The following ITPR3 variants were observed in gnomAD, a reference collection of about 807,000 sequenced individuals.
ITPR3 encodes the protein inositol 1,4,5-trisphosphate-gated calcium channel ITPR3.
ITPR3 carries 173 observed loss-of-function variants against 293.2 expected under a neutral mutation model. The observed-to-expected ratio is 0.59, with a 90% CI of 0.52 to 0.67. The LOEUF (loss-of-function observed/expected upper bound fraction) is 0.67. Among genes scored for constraint, ITPR3 ranks in the 30% least tolerant of loss-of-function variants. The pLI is 0.00. For missense variants in ITPR3, 2,796 were observed against 3,592.1 expected, an observed-to-expected ratio of 0.78 and a Z score of 5.66; for synonymous variants, 1,295 against 1,444.4, an observed-to-expected ratio of 0.90 and a Z score of 2.35.
intron 31 of ITPR3, 94 bp downstream of exon 31, chr6:33,680,227 G>A: frequency 6.3e-7 from 1 of 1,575,384 alleles, no homozygotes; most frequent in Non-Finnish European, 8.6e-7. Context: ...CAAAGCCAGG[G>A]AAGTGGGCAG....
Position 33,684,399 on chromosome 6 carries a change from G to A in ITPR3, c.4980G>A (p.Lys1660=). ...AGGACCTCATGGAGTCGGAGGAGAAGCTGTGCATCAAGGTGCTGCGGACCC... is the reference window on the plus strand; with the variant it reads ...AGGACCTCATGGAGTCGGAGGAGAAACTGTGCATCAAGGTGCTGCGGACCC... ...HTKDLMESEE[K]LCIKVLRTLQ... is the part of the protein sequence containing the mutation. Residue 1660 remains lysine (K), a synonymous_variant, in exon 37 of 58, where the codon AAG becomes AAA. Transcript: ENST00000605930. The surrounding 1 kb of genome is among the most constrained non-coding windows in gnomAD (Gnocchi z 4.2). 6.2e-7 allele frequency: 1 copy of A among 1,614,132 alleles called. No homozygotes were observed. The highest frequency in any genetic ancestry group is 8.5e-7 in the Non-Finnish European group (1 of 1,180,006).
intron 2 of ITPR3, among the ~76,000 whole-genome samples, chr6:33,647,892 T>C (rs1363703759): frequency 6.6e-6 from 1 of 152,094 alleles, no homozygotes; most frequent in Non-Finnish European, 1.5e-5. Flanking sequence ...CTGAGGTTGC[T>C]GAGGCAGAGG....
In ITPR3 at chr6:33,633,737, C is replaced by T. The variant is rs1763740194; in HGVS notation, c.90-6747C>T. 6.9e-6 allele frequency among the ~76,000 whole-genome samples: 1 copy of T among 145,050 alleles called. No individual in the cohort carries two copies. Among genetic ancestry groups the T allele is most frequent in the Non-Finnish European group, 1.5e-5 (1 of 65,362 alleles). On this transcript the variant is annotated intron_variant, in intron 1 of 57. Coordinates refer to ENST00000605930, the MANE Select transcript of ITPR3 (RefSeq NM_002224.4). The surrounding 1 kb of genome is among the most constrained non-coding windows in gnomAD (Gnocchi z 5.2). ...CGGCTGCACGTGGGACGGCGAGTTT[C>T]GCTTCGCCGCGGGGGCGGGGGCGGG...
In ITPR3 at chr6:33,672,094, A is replaced by C; in HGVS notation, c.2794A>C (p.Lys932Gln). 1.2e-6 allele frequency: 2 copies of C among 1,613,808 alleles called. No individual in the cohort carries two copies. Among genetic ancestry groups the C allele is most frequent in the East Asian group, 4.5e-5 (2 of 44,850 alleles). Residue 932 changes from lysine to glutamine, a missense_variant, in exon 22 of 58, where the codon AAG becomes CAG. Physicochemically the swap from Lys to Gln is moderately conservative, Grantham distance 53. Around this residue, in one of 8 missense-constraint regions of ITPR3, gnomAD observed 955 missense variants for 1,180.8 expected, o/e 0.81. Coordinates refer to ENST00000605930, the MANE Select transcript of ITPR3 (RefSeq NM_002224.4). This position sits in a 1 kb window ranked among gnomAD's most constrained non-coding sequence, Gnocchi z 5.0. ...HMMSTMVLSR[K>Q]QSVFSAPSLS... is the part of the protein sequence containing the mutation. The stretch of plus-strand genomic sequence containing the variant: ...GATGTCCACCATGGTGCTGAGCCGC[A>C]AGCAGTCCGTCTTCAGTGCCCCCAG...
intron 49 of ITPR3, 101 bp from the exon 50 acceptor site, chr6:33,689,137 G>C (rs1164198629): frequency 7.3e-7 from 1 of 1,365,758 alleles, no homozygotes; most frequent in Non-Finnish European, 1.0e-6. Flanking sequence ...ACTTAACCGG[G>C]AAGGCGGCCA....
Position 33,687,698 on chromosome 6 carries a change from G to C in ITPR3, c.6264+134G>C. The C allele has an allele frequency of 1.4e-6, 1 of 737,278 alleles. No individual in the cohort carries two copies. The highest frequency in any genetic ancestry group is 2.3e-6 in the Non-Finnish European group (1 of 442,772). 45.7% of individuals were successfully genotyped at this position (737,278 alleles called of 1,614,324 possible). On this transcript the variant is annotated intron_variant, in intron 46 of 57. Transcript: ENST00000605930. This position sits in a 1 kb window ranked among gnomAD's most constrained non-coding sequence, Gnocchi z 5.3. Reference sequence around the variant, plus strand: ...GGCTAGAATTTGGGGGTACAGCTCAGGGGGCTGATTGGGACTGGCAGCCGT... The same window carrying C: ...GGCTAGAATTTGGGGGTACAGCTCACGGGGCTGATTGGGACTGGCAGCCGT...
chr6:33,684,504 CAGG>C lies in ITPR3; in HGVS notation c.5046+42_5046+44del, dbSNP rs1676956412. ...TGGGGCAAGTGCTGGGTGGGCCAGT[CAGG>C]AGTACCCAGGGGCTCAGGGTCAAGC... is the stretch of plus-strand genomic sequence containing the variant. On this transcript the variant is annotated intron_variant, in intron 37 of 57. Transcript: ENST00000605930. The surrounding 1 kb of genome is among the most constrained non-coding windows in gnomAD (Gnocchi z 4.2). 6.2e-7 allele frequency: 1 copy of C among 1,604,368 alleles called. No individual in the cohort carries two copies. Among genetic ancestry groups the C allele is most frequent in the African/African-American group, 1.3e-5 (1 of 74,698 alleles).
intron 2 of ITPR3, among the ~76,000 whole-genome samples, chr6:33,645,109 G>A (rs1335185656): frequency 6.6e-6 from 1 of 151,680 alleles, no homozygotes; most frequent in Non-Finnish European, 1.5e-5. Flanking sequence ...AAGGCAGGTG[G>A]ATCACCTGAG....
In ITPR3 at chr6:33,672,245, C is replaced by T. The variant is rs372203577; in HGVS notation, c.2928+17C>T. On this transcript the variant is annotated intron_variant, in intron 22 of 57. Transcript: ENST00000605930. The surrounding 1 kb of genome is among the most constrained non-coding windows in gnomAD (Gnocchi z 5.0). ...ATCCTTCAGGTGCCTGGGCCAGGAC[C>T]GTGTGGGAGGTGTTGGGTATAGGGG... 6.8e-4 allele frequency: 852 copies of T among 1,258,768 alleles called. 3 individuals carry two copies. Among genetic ancestry groups the T allele is most frequent in the East Asian group, 5.1e-3 (133 of 26,136 alleles). 78.0% of individuals were successfully genotyped at this position (1,258,768 alleles called of 1,614,324 possible). A position where few individuals can be genotyped will look rare whatever the true frequency, so the allele number is the denominator to read the frequency against.
chr6:33,674,588 A>C (rs1388876732), intron 24 of ITPR3, among the ~76,000 whole-genome samples: 3 of 152,212 alleles, frequency 2.0e-5, no homozygotes. Flanking sequence ...GTGTGGGGAC[A>C]TGCATCCCAT....
At chr6:33,635,212 G>T (rs974534077) in intron 1 of ITPR3, among the ~76,000 whole-genome samples, 1 of 152,112 alleles carries the variant, frequency 6.6e-6, no homozygotes, top group Non-Finnish European at 1.5e-5. Flanking sequence ...TCTCTGATTG[G>T]CCAAGCAGTG....
At chr6:33,680,982 A>G (rs958877314) in intron 33 of ITPR3, among the ~76,000 whole-genome samples, 3 of 151,878 alleles carry the variant, frequency 2.0e-5, no homozygotes, top group Non-Finnish European at 4.4e-5. Flanking sequence ...CACCACGCCC[A>G]GCTAATTTTT....
At position 33,638,399 on chromosome 6, in the gene ITPR3, C is replaced by A. The variant is rs576149850; in HGVS notation, c.90-2085C>A. 5.9e-5 allele frequency among the ~76,000 whole-genome samples: 9 copies of A among 152,314 alleles called. No individual in the cohort carries two copies. The highest frequency in any genetic ancestry group is 2.2e-4 in the African/African-American group (9 of 41,564). On this transcript the variant is annotated intron_variant, in intron 1 of 57. Coordinates refer to ENST00000605930, the MANE Select transcript of ITPR3 (RefSeq NM_002224.4). The surrounding 1 kb of genome is among the most constrained non-coding windows in gnomAD (Gnocchi z 4.3). ...GGAGGAGGTCGTGACGGAGGTGGGG[C>A]TGAAAATGGGAACCCTCAAATTACA...
Position 33,654,671 on chromosome 6 carries a change from C to A in ITPR3, c.161-1095C>A, listed in dbSNP as rs1362407987. Among the ~76,000 whole-genome samples, 1 of 152,224 alleles carries A rather than the reference C, an allele frequency of 6.6e-6. No individual in the cohort carries two copies. The highest frequency in any genetic ancestry group is 1.5e-5 in the Non-Finnish European group (1 of 68,044). On this transcript the variant is annotated intron_variant, in intron 2 of 57. Coordinates refer to ENST00000605930, the MANE Select transcript of ITPR3 (RefSeq NM_002224.4). The surrounding 1 kb of genome is among the most constrained non-coding windows in gnomAD (Gnocchi z 4.1). ...CTCGAGTGGCTCTCTCCTCTCCAGT[C>A]TCCCCACACAGCCATCTCCTTTCTG...
intron 2 of ITPR3, among the ~76,000 whole-genome samples, chr6:33,650,097 G>A (rs1479213247): frequency 1.3e-5 from 2 of 152,156 alleles, no homozygotes; most frequent in African/African-American, 2.4e-5. Context: ...TTTTCTCATG[G>A]TCTTTGATGC....
In ITPR3 at chr6:33,683,992, G is replaced by A. The variant is rs1765152491; in HGVS notation, c.4789-28G>A. The A allele has an allele frequency of 3.2e-6, 5 of 1,567,904 alleles. No individual in the cohort carries two copies. Among genetic ancestry groups the A allele is most frequent in the Non-Finnish European group, 4.3e-6 (5 of 1,155,100 alleles). On this transcript the variant is annotated intron_variant, in intron 35 of 57. Transcript: ENST00000605930. The surrounding 1 kb of genome is among the most constrained non-coding windows in gnomAD (Gnocchi z 4.5). ...CACACCCGGGTCATTTCTTGGGCCT[G>A]GCAATGACTCTGCCCTGCCCACCCC...
rs1379125225 is a variant in ITPR3, at chr6:33,681,733, T to C, written c.4477-791T>C. On this transcript the variant is annotated intron_variant, in intron 33 of 57. Transcript: ENST00000605930. ...GGGGGAAAAATGCTGAGTCCTGCCT[T>C]CTCAGGAAGGGTGGTGTATTTTGAC... Among the ~76,000 whole-genome samples the C allele has an allele frequency of 2.0e-5, 3 of 152,134 alleles. No individual in the cohort carries two copies. In the East Asian group the frequency reaches 5.8e-4, roughly 29 times the overall value.
intron 27 of ITPR3, 57 bp from the exon 28 acceptor site, chr6:33,677,447 G>C (rs1005234831): frequency 6.9e-6 from 11 of 1,600,628 alleles, no homozygotes; most frequent in Non-Finnish European, 9.4e-6. Context: ...GGTGGGCTGG[G>C]CAGAGGGCAG....
At chr6:33,678,167 A>T (rs901252405) in intron 28 of ITPR3, among the ~76,000 whole-genome samples, 1 of 152,058 alleles carries the variant, frequency 6.6e-6, no homozygotes, top group African/African-American at 2.4e-5. Context: ...TCTTGATCTC[A>T]GTATGTCCCA....
Sources: allele counts gnomAD v4.1 joint callset (sites outside exome capture counted in the v4.1 genomes callset), GRCh38; gene constraint gnomAD v4.1.1; regional missense constraint gnomAD v4.1.1; non-coding constraint Gnocchi (gnomAD v3.1); transcripts MANE v1.5; gene names NCBI Gene and HGNC (gene_info 2026-07-23, HGNC 2026-07-21).